The following OSBPL9 variants were observed in gnomAD, a reference collection of about 807,000 sequenced individuals.
The protein encoded by OSBPL9 is oxysterol-binding protein-related protein 9.
OSBPL9 carries 40 observed loss-of-function variants against 106.6 expected under a neutral mutation model. That is an observed-to-expected ratio of 0.38 (90% CI 0.29 to 0.49). OSBPL9 has a LOEUF of 0.49. OSBPL9 is among the 20% of genes least tolerant of loss of function. OSBPL9 has a pLI of 0.97. For missense variants in OSBPL9, 609 were observed against 887.2 expected (o/e 0.69, Z 3.98); for synonymous variants, 269 against 295.4 (o/e 0.91, Z 0.92).
intron 3 of OSBPL9, among the ~76,000 whole-genome samples, chr1:51,694,930 G>A (rs372688511): frequency 1.1e-4 from 16 of 151,952 alleles, no homozygotes; most frequent in East Asian, 1.9e-4. Context: ...ATTCATTTTC[G>A]GGGAAATGTT....
intron 1 of OSBPL9, among the ~76,000 whole-genome samples, chr1:51,619,725 G>A (rs900869347): frequency 6.6e-6 from 1 of 152,150 alleles, no homozygotes; most frequent in African/African-American, 2.4e-5. Context: ...TAAAAGGGAA[G>A]GTAGGAGACA....
At chr1:51,520,128 C>T in the OSBPL9 span, among the ~76,000 whole-genome samples, 2 of 152,310 alleles carry the variant, frequency 1.3e-5, no homozygotes, top group African/African-American at 4.8e-5. Flanking sequence ...CTTGTGAAGT[C>T]ATCACCCTAA....
At chr1:51,675,281 C>T (rs979874104) in intron 3 of OSBPL9, among the ~76,000 whole-genome samples, 1 of 152,126 alleles carries the variant, frequency 6.6e-6, no homozygotes, top group African/African-American at 2.4e-5. Flanking sequence ...CACTTAGTTC[C>T]AGACAGTTGT....
chr1:51,694,722 A>T (rs1490046681), intron 3 of OSBPL9, among the ~76,000 whole-genome samples: 1 of 152,184 alleles, frequency 6.6e-6, no homozygotes, highest in African/African-American at 2.4e-5. Flanking sequence ...GACACATTTC[A>T]TTTTATGACA....
chr1:51,624,503 G>A (rs569350567), intron 1 of OSBPL9, among the ~76,000 whole-genome samples: 4 of 151,974 alleles, frequency 2.6e-5, no homozygotes, highest in Admixed American at 6.6e-5. Flanking sequence ...CAGGAGAATC[G>A]CTTGAACCCG....
chr1:51,596,060 C>T (rs576221934), intron 1 of OSBPL9, among the ~76,000 whole-genome samples: 58 of 151,996 alleles, frequency 3.8e-4, no homozygotes, highest in Non-Finnish European at 7.1e-4. Flanking sequence ...AGTTTGAGAT[C>T]AGCCTGGCCA....
At chr1:51,716,760 C>T (rs1661123954) in intron 4 of OSBPL9, among the ~76,000 whole-genome samples, 1 of 152,152 alleles carries the variant, frequency 6.6e-6, no homozygotes, top group Non-Finnish European at 1.5e-5. Context: ...TGGGCACTCA[C>T]GGAGCTGTCT....
At chr1:51,691,743 A>AT (rs568831792) in intron 3 of OSBPL9, among the ~76,000 whole-genome samples, 18 of 151,340 alleles carry the variant, frequency 1.2e-4, no homozygotes, top group Non-Finnish European at 2.1e-4. Flanking sequence ...TCTATTTAAG[A>AT]TTTTTTTTTA....
At chr1:51,544,032 A>G in the OSBPL9 span, among the ~76,000 whole-genome samples, 1 of 152,256 alleles carries the variant, frequency 6.6e-6, no homozygotes, top group Non-Finnish European at 1.5e-5. Flanking sequence ...CCATGTGATG[A>G]ATGCAAGAGT....
the OSBPL9 span, chr1:51,519,182 C>G: frequency 3.5e-6 from 5 of 1,421,484 alleles, no homozygotes; most frequent in Non-Finnish European, 3.7e-6. Context: ...GCCCGGCGGA[C>G]GGGCGTGTGG....
At chr1:51,572,014 G>T in the OSBPL9 span, among the ~76,000 whole-genome samples, 1 of 152,094 alleles carries the variant, frequency 6.6e-6, no homozygotes, top group African/African-American at 2.4e-5. Flanking sequence ...CATCACCAAG[G>T]CACAGCTTCC....
At chr1:51,713,867 A>G (rs1660568569) in intron 3 of OSBPL9, 136 bp from the exon 4 acceptor site, 2 of 632,196 alleles carry the variant, frequency 3.2e-6, no homozygotes, top group Non-Finnish European at 2.7e-6. Flanking sequence ...TAATAGATCA[A>G]GCTGAACCTA....
rs1676301719 is a variant in OSBPL9, at chr1:51,781,188, G to A, written c.1281G>A (p.Lys427=). The A allele has an allele frequency of 6.2e-7, 1 of 1,613,996 alleles. No homozygotes were observed. Among genetic ancestry groups the A allele is most frequent in the Non-Finnish European group, 8.5e-7 (1 of 1,180,008 alleles). ...GCATTAGTGACCAGAAGGATCCCAA[G>A]GATCGAATGGTTCAGGTTGTGAAAT... is the stretch of plus-strand genomic sequence containing the variant. ...FVSISDQKDP[K]DRMVQVVKWY... is the part of the protein sequence containing the mutation. Residue 427 remains lysine (K), a synonymous_variant, in exon 16 of 24, where the codon AAG becomes AAA. Transcript: ENST00000428468.
chr1:51,572,467 T>C (rs1235425573), upstream of OSBPL9, among the ~76,000 whole-genome samples: 2 of 152,182 alleles, frequency 1.3e-5, no homozygotes, highest in African/African-American at 2.4e-5. Context: ...TAGGTCTGTC[T>C]GCTCCTCTCT....
chr1:51,735,861 G>A (rs1046042139), intron 4 of OSBPL9, among the ~76,000 whole-genome samples: 1 of 152,178 alleles, frequency 6.6e-6, no homozygotes, highest in Non-Finnish European at 1.5e-5. Context: ...TTATTTCAAT[G>A]TGTTTTTCTC....
intron 4 of OSBPL9, chr1:51,740,140 A>G (rs1488662250): frequency 6.5e-7 from 1 of 1,549,506 alleles, no homozygotes; most frequent in Non-Finnish European, 8.7e-7. Context: ...ACTTTTATGG[A>G]AGATCAGTAC....
intron 3 of OSBPL9, among the ~76,000 whole-genome samples, chr1:51,706,603 C>T (rs1658589376): frequency 6.6e-6 from 1 of 151,428 alleles, no homozygotes; most frequent in Non-Finnish European, 1.5e-5. Context: ...TGTTCTTTAT[C>T]AATTCCTTTT....
At chr1:51,623,158 A>G (rs528495276) in intron 1 of OSBPL9, among the ~76,000 whole-genome samples, 2 of 152,318 alleles carry the variant, frequency 1.3e-5, no homozygotes, top group South Asian at 4.1e-4. Context: ...ATGGAGTGGT[A>G]GGTATGGAAT....
intron 3 of OSBPL9, among the ~76,000 whole-genome samples, chr1:51,684,675 T>C (rs2148811129): frequency 6.6e-6 from 1 of 151,880 alleles, no homozygotes; most frequent in Admixed American, 6.6e-5. Context: ...GGATTACAGG[T>C]GCTCACCAGC....
Sources: allele counts gnomAD v4.1 joint callset (sites outside exome capture counted in the v4.1 genomes callset), GRCh38; gene constraint gnomAD v4.1.1; transcripts MANE v1.5; gene names NCBI Gene and HGNC (gene_info 2026-07-23, HGNC 2026-07-21).